Variants in NAALADL2 observed in about 807,000 individuals in gnomAD.
The protein encoded by NAALADL2 is inactive N-acetylated-alpha-linked acidic dipeptidase-like protein 2.
A neutral mutation model predicts 87.2 loss-of-function variants in NAALADL2; 76 were observed. The observed-to-expected ratio is 0.87, with a 90% CI of 0.72 to 1.05. The LOEUF (loss-of-function observed/expected upper bound fraction) is 1.05, where lower values mean the gene tolerates loss of function less well. Ranked by LOEUF, NAALADL2 falls within the 50% of genes least tolerant of loss-of-function variation. The pLI is 0.00. For missense variants in NAALADL2, 1,089 were observed against 945.8 expected, an observed-to-expected ratio of 1.15 and a Z score of -1.99; for synonymous variants, 354 against 331.0, an observed-to-expected ratio of 1.07 and a Z score of -0.75.
rs1739617524 is a variant in NAALADL2 at position 174,947,465 on chromosome 3, TG to T, written c.43+88016del. ...GATTAACAGTTCCTTCCTTAAGTGC[TG>T]ACCATGGTTAGGAATGGTAGTATTG... is the stretch of plus-strand genomic sequence containing the variant. On this transcript the variant is annotated intron_variant, in intron 1 of 13. Transcript: ENST00000454872. Among the ~76,000 whole-genome samples, 3 of 152,270 alleles carry T rather than the reference TG, an allele frequency of 2.0e-5. No homozygotes were observed. In the South Asian group the frequency reaches 6.2e-4, roughly 32 times the overall value.
chr3:174,945,987 A>G (rs1423091862), intron 1 of NAALADL2, among the ~76,000 whole-genome samples: 1 of 139,548 alleles, frequency 7.2e-6, no homozygotes, highest in Non-Finnish European at 1.5e-5. Context: ...TGGAGGTTGC[A>G]GTGAGCTGAG....
intron 1 of NAALADL2, among the ~76,000 whole-genome samples, chr3:175,041,746 A>G (rs905590113): frequency 6.6e-6 from 1 of 152,142 alleles, no homozygotes; most frequent in African/African-American, 2.4e-5. Context: ...GTGTATATCT[A>G]TACCTGTGTA....
intron 12 of NAALADL2, among the ~76,000 whole-genome samples, chr3:175,740,526 G>A (rs544839416): frequency 1.6e-4 from 24 of 152,254 alleles, no homozygotes; most frequent in African/African-American, 5.1e-4. Context: ...GATTGATAAC[G>A]TTTACTCAAC....
intron 3 of NAALADL2, among the ~76,000 whole-genome samples, chr3:175,245,172 A>G (rs554583911): frequency 6.6e-6 from 1 of 152,280 alleles, no homozygotes; most frequent in South Asian, 2.1e-4. Context: ...TGTAATATAA[A>G]TAGCTAAAGG....
rs140494457 is a variant in NAALADL2 at position 174,995,279 on chromosome 3, G to A, written c.44-101511G>A. Among the ~76,000 whole-genome samples, 838 of 152,132 alleles carry A rather than the reference G, an allele frequency of 5.5e-3. 4 individuals carry two copies. The highest frequency in any genetic ancestry group is 9.7e-3 in the Non-Finnish European group (661 of 67,962). ...AATTGGTCAAAAAGCAAAGGCATCG[G>A]GTAGATTATTATTTCTTTCTCCAAT... On this transcript the variant is annotated intron_variant, in intron 1 of 13. Transcript: ENST00000454872.
chr3:175,163,179 A>G (rs1438962055), intron 2 of NAALADL2, among the ~76,000 whole-genome samples: 1 of 152,106 alleles, frequency 6.6e-6, no homozygotes, highest in Non-Finnish European at 1.5e-5. Flanking sequence ...TTGCAATACT[A>G]GAGGTTATAG....
chr3:175,629,242 T>C (rs1727428717), intron 11 of NAALADL2, among the ~76,000 whole-genome samples: 1 of 148,340 alleles, frequency 6.7e-6, no homozygotes, highest in South Asian at 2.1e-4. Flanking sequence ...TTCATAAACA[T>C]ATATGATATA....
chr3:175,237,321 A>G (rs1306298392), intron 3 of NAALADL2, among the ~76,000 whole-genome samples: 3 of 152,106 alleles, frequency 2.0e-5, no homozygotes, highest in Non-Finnish European at 4.4e-5. Context: ...GGCCTAAAGT[A>G]TTTTAATATC....
At chr3:175,718,475 T>C (rs888021779) in intron 11 of NAALADL2, 1 of 1,584,086 alleles carries the variant, frequency 6.3e-7, no homozygotes, top group Non-Finnish European at 8.7e-7. Context: ...TTTAAGGCTG[T>C]ATATTCGGTT....
At chr3:175,163,473 G>T (rs1426881459) in intron 2 of NAALADL2, among the ~76,000 whole-genome samples, 2 of 151,780 alleles carry the variant, frequency 1.3e-5, no homozygotes, top group African/African-American at 4.8e-5. Flanking sequence ...ACTGAAATTG[G>T]TATAGCCAAG....
intron 3 of NAALADL2, among the ~76,000 whole-genome samples, chr3:174,837,187 A>G (rs1723429677): frequency 6.6e-6 from 1 of 152,188 alleles, no homozygotes; most frequent in African/African-American, 2.4e-5. Context: ...AAAATACAAA[A>G]GAGAAATGAA....
At chr3:175,357,862 A>G (rs1313893911) in intron 5 of NAALADL2, among the ~76,000 whole-genome samples, 2 of 152,170 alleles carry the variant, frequency 1.3e-5, no homozygotes, top group Non-Finnish European at 2.9e-5. Flanking sequence ...TATAGAGGCC[A>G]GTGTAGGAAA....
intron 3 of NAALADL2, among the ~76,000 whole-genome samples, chr3:174,774,772 A>G (rs1715009191): frequency 6.6e-6 from 1 of 152,210 alleles, no homozygotes; most frequent in Non-Finnish European, 1.5e-5. Context: ...ATCTTCAGCT[A>G]TTTTAATCAC....
chr3:175,118,689 A>G (rs532349118), intron 2 of NAALADL2, among the ~76,000 whole-genome samples: 3 of 151,844 alleles, frequency 2.0e-5, no homozygotes, highest in Non-Finnish European at 4.4e-5. Context: ...AAAATCTGCA[A>G]TAGAGTTCTG....
chr3:175,303,426 TG>T (rs1426585791), intron 4 of NAALADL2, among the ~76,000 whole-genome samples: 2 of 152,176 alleles, frequency 1.3e-5, no homozygotes, highest in African/African-American at 2.4e-5. Flanking sequence ...AAGAAGTTTT[TG>T]AGTTTTGCAT....
intron 9 of NAALADL2, among the ~76,000 whole-genome samples, chr3:175,524,131 G>A (rs1733064780): frequency 1.3e-5 from 2 of 152,124 alleles, no homozygotes; most frequent in African/African-American, 2.4e-5. Flanking sequence ...GGTTTTCTTA[G>A]GAAAATCTAC....
intron 4 of NAALADL2, among the ~76,000 whole-genome samples, chr3:175,262,011 G>A (rs1322669528): frequency 6.6e-6 from 1 of 152,006 alleles, no homozygotes; most frequent in Admixed American, 6.6e-5. Flanking sequence ...AAATTACGGA[G>A]GAGTAGCATT....
intron 2 of NAALADL2, among the ~76,000 whole-genome samples, chr3:174,712,759 CT>C (rs967823810): frequency 7.3e-5 from 11 of 151,642 alleles, no homozygotes; most frequent in South Asian, 2.1e-4. Flanking sequence ...AACAATGACA[CT>C]TTTTTTTATC....
At chr3:174,730,822 C>T (rs1732635274) in intron 2 of NAALADL2, among the ~76,000 whole-genome samples, 1 of 151,952 alleles carries the variant, frequency 6.6e-6, no homozygotes, top group Non-Finnish European at 1.5e-5. Context: ...TTAATGCTTT[C>T]CACTTATCAA....
Sources: gnomAD v4.1 joint callset for allele counts (sites outside exome capture counted in the v4.1 genomes callset) on GRCh38, gnomAD v4.1.1 for gene constraint, MANE v1.5 for transcripts, NCBI Gene and HGNC (gene_info 2026-07-23, HGNC 2026-07-21) for gene names.